CHSY3: variants seen among roughly 807,000 people sequenced by gnomAD.
CHSY3 encodes N-acetylgalactosaminyl-proteoglycan 3-beta-glucuronosyltransferase 3.
A neutral mutation model predicts 67.2 loss-of-function variants in CHSY3; 35 were observed. That is an observed-to-expected ratio of 0.52 (90% CI 0.40 to 0.69). The LOEUF is 0.69. Ranked by LOEUF, CHSY3 falls within the 30% of genes least tolerant of loss-of-function variation. CHSY3 has a pLI of 0.00. For synonymous variants in CHSY3, 474 were observed against 434.7 expected (o/e 1.09, Z -1.12); for missense variants, 1,069 against 1,138.5 (o/e 0.94, Z 0.88).
chr5:129,934,294 G>A (rs1282437014), intron 2 of CHSY3, among the ~76,000 whole-genome samples: 1 of 151,934 alleles, frequency 6.6e-6, no homozygotes, highest in Non-Finnish European at 1.5e-5. Context: ...TTAGGGCTGT[G>A]GGGGCACTAC....
chr5:130,165,602 A>T (rs541062705), intron 2 of CHSY3, among the ~76,000 whole-genome samples: 2 of 151,868 alleles, frequency 1.3e-5, no homozygotes, highest in African/African-American at 4.8e-5. Flanking sequence ...TTCTTTTCCC[A>T]TTAGTTTATG....
At chr5:129,956,021 C>T (rs1052137016) in intron 2 of CHSY3, among the ~76,000 whole-genome samples, 1 of 152,156 alleles carries the variant, frequency 6.6e-6, no homozygotes, top group South Asian at 2.1e-4. Context: ...TACCATAGAA[C>T]AATTTATATT....
At chr5:130,149,019 T>C (rs1472037448) in intron 2 of CHSY3, among the ~76,000 whole-genome samples, 2 of 152,224 alleles carry the variant, frequency 1.3e-5, no homozygotes, top group South Asian at 2.1e-4. Context: ...AAGGTTTTTA[T>C]AGTTTTGTGT....
At chr5:129,911,314 AAGAG>A (rs1222382417) in intron 2 of CHSY3, among the ~76,000 whole-genome samples, 3 of 152,142 alleles carry the variant, frequency 2.0e-5, no homozygotes, top group East Asian at 3.8e-4. Context: ...GTAAAAGAGA[AAGAG>A]AGAGAAAGGT....
chr5:129,909,471 C>G (rs1051090291), intron 2 of CHSY3, among the ~76,000 whole-genome samples: 1 of 151,792 alleles, frequency 6.6e-6, no homozygotes, highest in African/African-American at 2.4e-5. Context: ...TTTGCTTTCT[C>G]TTTCATACTT....
At chr5:129,958,011 C>G (rs1159846750) in intron 2 of CHSY3, among the ~76,000 whole-genome samples, 1 of 151,916 alleles carries the variant, frequency 6.6e-6, no homozygotes, top group Non-Finnish European at 1.5e-5. Flanking sequence ...GGTTTATATC[C>G]TGGCTGATTC....
chr5:130,096,925 C>G (rs912609186), intron 2 of CHSY3, among the ~76,000 whole-genome samples: 4 of 152,072 alleles, frequency 2.6e-5, no homozygotes, highest in Non-Finnish European at 5.9e-5. Flanking sequence ...ATTGCTCTGA[C>G]TCTTTCTCCT....
intron 2 of CHSY3, among the ~76,000 whole-genome samples, chr5:129,966,432 T>G (rs1762470199): frequency 6.6e-6 from 1 of 151,866 alleles, no homozygotes; most frequent in Non-Finnish European, 1.5e-5. Flanking sequence ...TCTGAGCATT[T>G]GAGCACTCAT....
intron 2 of CHSY3, among the ~76,000 whole-genome samples, chr5:130,050,312 A>G (rs1377650833): frequency 1.3e-5 from 2 of 152,110 alleles, no homozygotes; most frequent in African/African-American, 4.8e-5. Flanking sequence ...TTACCTGTTC[A>G]AAAATAACTT....
Position 130,184,560 on chromosome 5 carries a change from T to G in CHSY3, c.1418T>G (p.Leu473Arg), listed in dbSNP as rs747176341. The stretch of plus-strand genomic sequence containing the variant: ...GAATGGGAGTTCCTGACAGGGAAGC[T>G]TCTATACTCAGCAGCTGAGAACCAG... ...VIEWEFLTGK[L>R]LYSAAENQPP... Residue 473 changes from leucine (L) to arginine (R), a missense_variant, in exon 3 of 3, where the codon CTT becomes CGT. Physicochemically the swap from Leu to Arg is moderately radical, Grantham distance 102. Transcript: ENST00000305031. 4 of 1,612,136 alleles carry G rather than the reference T, an allele frequency of 2.5e-6. No individual in the cohort carries two copies. The highest frequency in any genetic ancestry group is 3.4e-6 in the Non-Finnish European group (4 of 1,178,330).
At chr5:130,131,579 A>G (rs770082172) in intron 2 of CHSY3, among the ~76,000 whole-genome samples, 21 of 152,192 alleles carry the variant, frequency 1.4e-4, no homozygotes, top group Non-Finnish European at 1.0e-4. Flanking sequence ...TAGACAAGGA[A>G]ACTGAGGCAC....
At chr5:130,143,059 A>G (rs756442204) in intron 2 of CHSY3, among the ~76,000 whole-genome samples, 4 of 152,324 alleles carry the variant, frequency 2.6e-5, no homozygotes, top group Admixed American at 6.5e-5. Context: ...TCTTTTCACC[A>G]TAGCGCATTG....
At position 130,002,635 on chromosome 5, in the gene CHSY3, G is replaced by C. The variant is rs547746003; in HGVS notation, c.1086+94275G>C. ...CCAAGAGCAAATGAGATCCTAAAGA[G>C]ACATAGAAGCTAGAGACATAAATAT... is the stretch of plus-strand genomic sequence containing the variant. On this transcript the variant is annotated intron_variant, in intron 2 of 2. Coordinates refer to ENST00000305031, the MANE Select transcript of CHSY3 (RefSeq NM_175856.5). Among the ~76,000 whole-genome samples, 3 of 152,112 alleles carry C rather than the reference G, an allele frequency of 2.0e-5. No homozygotes were observed. The South Asian group carries it at 6.3e-4, about 32-fold the overall frequency.
At chr5:130,014,553 A>G (rs1764158656) in intron 2 of CHSY3, among the ~76,000 whole-genome samples, 1 of 152,182 alleles carries the variant, frequency 6.6e-6, no homozygotes, top group African/African-American at 2.4e-5. Context: ...CTCACTCACT[A>G]TCATGAGAAC....
chr5:129,982,296 C>A (rs1763042854), intron 2 of CHSY3, among the ~76,000 whole-genome samples: 1 of 151,736 alleles, frequency 6.6e-6, no homozygotes, highest in Non-Finnish European at 1.5e-5. Context: ...CACACACACA[C>A]ACAAAAAAAA....
intron 2 of CHSY3, among the ~76,000 whole-genome samples, chr5:130,075,339 C>T (rs940867602): frequency 6.6e-6 from 1 of 152,030 alleles, no homozygotes; most frequent in Non-Finnish European, 1.5e-5. Flanking sequence ...TACAATAAAG[C>T]AATATAAAAT....
At chr5:129,938,122 C>T (rs1434215347) in intron 2 of CHSY3, among the ~76,000 whole-genome samples, 1 of 152,232 alleles carries the variant, frequency 6.6e-6, no homozygotes, top group Non-Finnish European at 1.5e-5. Flanking sequence ...GTGGAAGCCA[C>T]CAAACGTGGG....
chr5:130,027,999 G>T (rs1764598257), intron 2 of CHSY3, among the ~76,000 whole-genome samples: 1 of 152,068 alleles, frequency 6.6e-6, no homozygotes, highest in Admixed American at 6.6e-5. Context: ...TAATGGGATG[G>T]CTGGGTCAAA....
rs372576699 is a variant in CHSY3, at chr5:130,168,932, C to A, written c.1087-15297C>A. On this transcript the variant is annotated intron_variant, in intron 2 of 2. Coordinates refer to ENST00000305031, the MANE Select transcript of CHSY3 (RefSeq NM_175856.5). ...GACCATTTTTGTTGTTGTTGTTGCT[C>A]TATCTATAGTAACTGATGCATTTTA... Among the ~76,000 whole-genome samples, 323 of 152,086 alleles carry A rather than the reference C, an allele frequency of 2.1e-3. 6 individuals carry two copies. In the South Asian group the frequency reaches 0.035, roughly 17 times the overall value.
Sources: gnomAD v4.1 joint callset for allele counts (sites outside exome capture counted in the v4.1 genomes callset) on GRCh38, gnomAD v4.1.1 for gene constraint, MANE v1.5 for transcripts, NCBI Gene and HGNC (gene_info 2026-07-23, HGNC 2026-07-21) for gene names.